Variants in EDIL3 observed in about 807,000 individuals in gnomAD.
EDIL3 encodes EGF like and discoidin domains 3, also known as EGF-like repeat and discoidin I-like domain-containing protein 3.
Under a neutral mutation model 67.4 loss-of-function variants are expected in EDIL3, and 37 were observed. That is an observed-to-expected ratio of 0.55 (90% CI 0.42 to 0.72). EDIL3 has a LOEUF of 0.72. Ranked by LOEUF, EDIL3 falls within the 30% of genes least tolerant of loss-of-function variation. EDIL3 has a pLI of 0.00. For missense variants in EDIL3, 527 were observed against 586.3 expected, an observed-to-expected ratio of 0.90 and a Z score of 1.04; for synonymous variants, 195 against 196.3, an observed-to-expected ratio of 0.99 and a Z score of 0.05.
rs1366114502 is a variant in EDIL3, at chr5:84,180,586, T to C, written c.227-65A>G. On this transcript the variant is annotated intron_variant, in intron 3 of 10. Transcript: ENST00000296591. ...CTTAAAAGTAGACATTAGGTCAACATTTTGCAATTAATAATTTTACAGAAA... is the reference window on the plus strand; with the variant it reads ...CTTAAAAGTAGACATTAGGTCAACACTTTGCAATTAATAATTTTACAGAAA... 1.7e-5 allele frequency: 25 copies of C among 1,454,032 alleles called. No individual in the cohort carries two copies. The South Asian group carries it at 2.8e-4, about 16-fold the overall frequency. 90.1% of individuals were successfully genotyped at this position (1,454,032 alleles called of 1,614,324 possible). A position where few individuals can be genotyped will look rare whatever the true frequency, so the allele number is the denominator to read the frequency against.
intron 9 of EDIL3, among the ~76,000 whole-genome samples, chr5:83,984,974 CA>C (rs1403830371): frequency 2.8e-4 from 42 of 151,200 alleles, no homozygotes; most frequent in Non-Finnish European, 4.4e-4. Flanking sequence ...CACACACACA[CA>C]CACCCCATAA....
At chr5:84,315,083 A>G (rs1201013415) in intron 1 of EDIL3, among the ~76,000 whole-genome samples, 1 of 152,140 alleles carries the variant, frequency 6.6e-6, no homozygotes, top group East Asian at 1.9e-4. Context: ...TAAAAGACAA[A>G]TTGATCTATT....
intron 3 of EDIL3, among the ~76,000 whole-genome samples, chr5:84,216,134 G>T (rs1206814211): frequency 6.6e-6 from 1 of 152,116 alleles, no homozygotes; most frequent in Admixed American, 6.5e-5. Flanking sequence ...TGTAGAGATG[G>T]GTGTCATCAA....
At chr5:84,307,087 C>A (rs993460328) in intron 1 of EDIL3, among the ~76,000 whole-genome samples, 2 of 152,080 alleles carry the variant, frequency 1.3e-5, no homozygotes, top group Admixed American at 6.5e-5. Flanking sequence ...GATATATGAT[C>A]TAGTTAGGAA....
At chr5:83,979,325 T>C (rs1166978792) in intron 9 of EDIL3, among the ~76,000 whole-genome samples, 2 of 152,066 alleles carry the variant, frequency 1.3e-5, no homozygotes, top group Non-Finnish European at 2.9e-5. Flanking sequence ...AAATCCAAAT[T>C]GGCTTAACAA....
intron 1 of EDIL3, among the ~76,000 whole-genome samples, chr5:84,364,009 C>T (rs1042289942): frequency 6.6e-6 from 1 of 152,030 alleles, no homozygotes; most frequent in Non-Finnish European, 1.5e-5. Flanking sequence ...TGTCATCAAG[C>T]GTTTTCATGA....
chr5:83,985,386 T>C (rs758272655), intron 9 of EDIL3, among the ~76,000 whole-genome samples: 21 of 152,132 alleles, frequency 1.4e-4, no homozygotes, highest in Admixed American at 1.2e-3. Context: ...AAGACTCTAA[T>C]TCTTTTCTTT....
chr5:84,215,949 G>C (rs1744218123), intron 3 of EDIL3, among the ~76,000 whole-genome samples: 1 of 152,224 alleles, frequency 6.6e-6, no homozygotes, highest in African/African-American at 2.4e-5. Flanking sequence ...GGGCAGAAGA[G>C]TGATGGGCAC....
intron 6 of EDIL3, among the ~76,000 whole-genome samples, chr5:84,070,095 C>A (rs185110137): frequency 2.0e-5 from 3 of 152,082 alleles, no homozygotes; most frequent in Non-Finnish European, 4.4e-5. Flanking sequence ...AGAGGAAGAC[C>A]ACCTTCCCAC....
intron 1 of EDIL3, among the ~76,000 whole-genome samples, chr5:84,371,598 T>C (rs1317983168): frequency 6.6e-6 from 1 of 151,076 alleles, no homozygotes; most frequent in African/African-American, 2.4e-5. Context: ...ATTTAGTACA[T>C]ATGTACATGA....
At chr5:84,036,054 T>A (rs1746017224) in intron 9 of EDIL3, among the ~76,000 whole-genome samples, 1 of 152,192 alleles carries the variant, frequency 6.6e-6, no homozygotes, top group Non-Finnish European at 1.5e-5. Context: ...AACGTGCAAG[T>A]TTGGTTAAAA....
At chr5:84,154,618 A>G (rs780946144) in intron 4 of EDIL3, among the ~76,000 whole-genome samples, 7 of 150,128 alleles carry the variant, frequency 4.7e-5, no homozygotes, top group Non-Finnish European at 1.0e-4. Flanking sequence ...AAACTTATTC[A>G]CCATGTCAGT....
intron 6 of EDIL3, among the ~76,000 whole-genome samples, chr5:84,094,251 C>T (rs919273828): frequency 1.3e-5 from 2 of 151,968 alleles, no homozygotes; most frequent in South Asian, 2.1e-4. Flanking sequence ...TTCTAATAAA[C>T]AATTCAAATA....
chr5:84,230,437 C>A (rs1478330340), intron 2 of EDIL3, among the ~76,000 whole-genome samples: 1 of 149,136 alleles, frequency 6.7e-6, no homozygotes, highest in South Asian at 2.1e-4. Context: ...GATGGAGTTT[C>A]ACTCTTGTTG....
At chr5:84,187,445 T>C (rs1743488157) in intron 3 of EDIL3, among the ~76,000 whole-genome samples, 1 of 152,246 alleles carries the variant, frequency 6.6e-6, no homozygotes, top group South Asian at 2.1e-4. Flanking sequence ...TCTCCTGTGA[T>C]AATATGTACT....
intron 1 of EDIL3, among the ~76,000 whole-genome samples, chr5:84,282,830 C>CT (rs534065741): frequency 3.2e-4 from 49 of 151,888 alleles, no homozygotes; most frequent in African/African-American, 1.2e-3. Flanking sequence ...GTTCAGCTTT[C>CT]TTTTTTTTAC....
chr5:84,003,469 A>G (rs1419314261), intron 9 of EDIL3, among the ~76,000 whole-genome samples: 1 of 152,214 alleles, frequency 6.6e-6, no homozygotes, highest in Non-Finnish European at 1.5e-5. Flanking sequence ...GAGCACTGAG[A>G]GAGTGCATGG....
intron 5 of EDIL3, among the ~76,000 whole-genome samples, chr5:84,111,138 C>T (rs747469069): frequency 1.3e-5 from 2 of 152,150 alleles, no homozygotes; most frequent in Non-Finnish European, 2.9e-5. Context: ...CTTGCTTCCC[C>T]TTTGCCCTTC....
At chr5:84,237,649 T>C (rs1216052473) in intron 2 of EDIL3, among the ~76,000 whole-genome samples, 1 of 152,132 alleles carries the variant, frequency 6.6e-6, no homozygotes, top group Non-Finnish European at 1.5e-5. Context: ...AAATAAATTA[T>C]CTAATACTTT....
Sources: allele counts gnomAD v4.1 joint callset (sites outside exome capture counted in the v4.1 genomes callset), GRCh38; gene constraint gnomAD v4.1.1; transcripts MANE v1.5; gene names NCBI Gene and HGNC (gene_info 2026-07-23, HGNC 2026-07-21).